TNFRSF14: variants seen among roughly 807,000 people sequenced by gnomAD.
TNFRSF14 encodes the protein TNF receptor superfamily member 14.
A neutral mutation model predicts 34.1 loss-of-function variants in TNFRSF14; 18 were observed. The observed-to-expected ratio is 0.53, with a 90% confidence interval of 0.36 to 0.78. The LOEUF (loss-of-function observed/expected upper bound fraction) is 0.78. Ranked by LOEUF, TNFRSF14 falls within the 30% of genes least tolerant of loss-of-function variation. The pLI, the probability that TNFRSF14 is intolerant of heterozygous loss-of-function variation, is 0.00. For missense variants in TNFRSF14, 352 were observed against 379.5 expected, an observed-to-expected ratio of 0.93 and a Z score of 0.60; for synonymous variants, 157 against 153.2, an observed-to-expected ratio of 1.02 and a Z score of -0.18.
At position 2,558,445 on chromosome 1, in the gene TNFRSF14, T is replaced by G; in HGVS notation, c.281T>G (p.Leu94Arg). 1 of 1,613,224 alleles carries G rather than the reference T, an allele frequency of 6.2e-7. No homozygotes were observed. Among genetic ancestry groups the G allele is most frequent in the Admixed American group, 1.7e-5 (1 of 59,910 alleles). Residue 94 changes from leucine to arginine, a missense_variant, in exon 3 of 8, where the codon CTG (leucine) becomes CGG (arginine). Leu to Arg is a moderately radical substitution (Grantham distance 102, BLOSUM62 -2). Coordinates refer to ENST00000355716, the MANE Select transcript of TNFRSF14 (RefSeq NM_003820.4). ...IAHLNGLSKC[L>R]QCQMCDPAMG... The stretch of plus-strand genomic sequence containing the variant: ...CACCTCAATGGCCTAAGCAAGTGTC[T>G]GCAGTGCCAAATGTGTGACCCAGGT...
At chr1:2,556,302 A>G (rs572456595), upstream of TNFRSF14, 67 of 575,490 alleles carry the variant, frequency 1.2e-4, no homozygotes, top group African/African-American at 9.6e-4. Context: ...TCCCCCTTCT[A>G]CAGGAAACCC....
Position 2,556,496 on chromosome 1 carries a change from C to T in TNFRSF14, c.-169C>T. ...CTCTGCTGCCAGACACCCCCTGCTG[C>T]CCACTCTCCTGCTGCTCGGGTTCTG... On this transcript the variant is annotated 5_prime_UTR_variant, in exon 1 of 8. Transcript: ENST00000355716. The T allele has an allele frequency of 1.3e-6, 1 of 744,222 alleles. No individual in the cohort carries two copies. Among genetic ancestry groups the T allele is most frequent in the Non-Finnish European group, 2.4e-6 (1 of 421,208 alleles). 46.1% of individuals were successfully genotyped at this position (744,222 alleles called of 1,614,324 possible). A position where few individuals can be genotyped will look rare whatever the true frequency, so the allele number is the denominator to read the frequency against.
chr1:2,562,257 G>A (rs1644320863), intron 6 of TNFRSF14: 1 of 225,190 alleles, frequency 4.4e-6, no homozygotes. Context: ...CTGGGCACCT[G>A]TGCTGTGCCT....
At position 2,563,298 on chromosome 1, in the gene TNFRSF14, CAG is replaced by C; in HGVS notation, c.*29_*30del. 1.2e-6 allele frequency: 2 copies of C among 1,610,608 alleles called. No homozygotes were observed. Among genetic ancestry groups the C allele is most frequent in the Non-Finnish European group, 1.7e-6 (2 of 1,177,792 alleles). ...ACCCACAGACTCTGCACCCCGACGCCAGAGATACCTGGAGCGACGGCTGCTGA... is the reference window on the plus strand; with the variant it reads ...ACCCACAGACTCTGCACCCCGACGCCAGATACCTGGAGCGACGGCTGCTGA... On this transcript the variant is annotated 3_prime_UTR_variant, in exon 8 of 8. Transcript: ENST00000355716.
Position 2,557,746 on chromosome 1 carries a change from G to A in TNFRSF14, c.90G>A (p.Leu30=), listed in dbSNP as rs1644239617. The A allele has an allele frequency of 6.2e-7, 1 of 1,609,562 alleles. No homozygotes were observed. The highest frequency in any genetic ancestry group is 1.7e-5 in the Admixed American group (1 of 59,498). Residue 30 remains leucine, a synonymous_variant, in exon 2 of 8, where the codon CTG becomes CTA. Coordinates refer to ENST00000355716, the MANE Select transcript of TNFRSF14 (RefSeq NM_003820.4). ...VLRLVLYLTF[L]GAPCYAPALP... The stretch of plus-strand genomic sequence containing the variant: ...CTTAGGTGCTGTATCTCACCTTCCT[G>A]GGAGCCCCCTGCTACGCCCCAGCTC...
At chr1:2,558,554 G>A in intron 3 of TNFRSF14, 86 bp downstream of exon 3, 1 of 1,581,602 alleles carries the variant, frequency 6.3e-7, no homozygotes, top group Non-Finnish European at 8.5e-7. Context: ...TGGCCACAGT[G>A]CCCCAGGAAG....
intron 3 of TNFRSF14, 77 bp from the exon 4 acceptor site, chr1:2,559,746 C>G: frequency 6.5e-7 from 1 of 1,543,530 alleles, no homozygotes; most frequent in Non-Finnish European, 8.7e-7. Context: ...AGTCCTTGGC[C>G]TGTGGATGCT....
In TNFRSF14 at chr1:2,561,526, G is replaced by A; in HGVS notation, c.552-147G>A. On this transcript the variant is annotated intron_variant, in intron 5 of 7. Coordinates refer to ENST00000355716, the MANE Select transcript of TNFRSF14 (RefSeq NM_003820.4). This position sits in a 1 kb window ranked among gnomAD's most constrained non-coding sequence, Gnocchi z 6.0. ...TGGAAAAGTCAGACAGACCTCTGAG[G>A]TCTCATCCTGGAGCTGCCACCAGCC... 1.3e-6 allele frequency: 2 copies of A among 1,554,782 alleles called. No homozygotes were observed. The highest frequency in any genetic ancestry group is 1.7e-6 in the Non-Finnish European group (2 of 1,148,712).
At chr1:2,556,206 A>G (rs1028442201), upstream of TNFRSF14, 39 of 432,286 alleles carry the variant, frequency 9.0e-5, no homozygotes, top group East Asian at 1.6e-3. Flanking sequence ...TTATTCGGCA[A>G]AAATGTCAGT....
Position 2,559,340 on chromosome 1 carries a change from G to A in TNFRSF14, c.305-483G>A. 2.2e-6 allele frequency: 3 copies of A among 1,374,202 alleles called. No individual in the cohort carries two copies. In the South Asian group the frequency reaches 3.7e-5, roughly 17 times the overall value. The allele number at this position is 1,374,202 out of a possible 1,614,324, so 85.1% of individuals were successfully genotyped here. On this transcript the variant is annotated intron_variant, in intron 3 of 7. Transcript: ENST00000355716. ...CAGGTGGCAGGTGAGGCTGCCCTCA[G>A]GAGGGGCCCAGGCCCAGCTTGTACC...
At chr1:2,557,965 G>A in intron 2 of TNFRSF14, 131 bp downstream of exon 2, 1 of 794,216 alleles carries the variant, frequency 1.3e-6, no homozygotes, top group South Asian at 1.9e-5. Flanking sequence ...GGCTAGGTGT[G>A]CAGACAGTGA....
intron 6 of TNFRSF14, 80 bp from the exon 7 acceptor site, chr1:2,562,785 C>T (rs372033210): frequency 1.5e-4 from 230 of 1,573,252 alleles, no homozygotes; most frequent in Middle Eastern, 1.7e-4. Context: ...CCTCCGCCAC[C>T]GCTGTGAGAC....
At chr1:2,559,270 C>A (rs556396704) in intron 3 of TNFRSF14, 4 of 1,367,718 alleles carry the variant, frequency 2.9e-6, no homozygotes, top group Non-Finnish European at 1.9e-6. Flanking sequence ...TGCCCCTCCC[C>A]TCTTGTGAAA....
upstream of TNFRSF14, chr1:2,555,994 G>A (rs1384522107): frequency 4.5e-6 from 1 of 221,560 alleles, no homozygotes; most frequent in East Asian, 1.4e-4. This position sits in a 1 kb window ranked among gnomAD's most constrained non-coding sequence, Gnocchi z 6.3. Context: ...TCTCTGCAGG[G>A]GGAGCAAGAG....
intron 1 of TNFRSF14, among the ~76,000 whole-genome samples, chr1:2,557,193 C>A (rs1644228527): frequency 6.6e-6 from 1 of 152,194 alleles, no homozygotes. Context: ...ATGTGGCACT[C>A]CTGCCTGTCC....
intron 6 of TNFRSF14, chr1:2,562,091 C>G (rs7554260): frequency 0.015 from 7,854 of 513,896 alleles, 515 homozygotes; most frequent in African/African-American, 0.14. Context: ...CTGCCTGCCC[C>G]CTGTGGGATG....
intron 3 of TNFRSF14, chr1:2,559,097 G>A (rs768122093): frequency 6.6e-6 from 9 of 1,367,228 alleles, no homozygotes; most frequent in African/African-American, 4.3e-5. Flanking sequence ...CTGCACCTGC[G>A]GGACAGGGCT....
intron 2 of TNFRSF14, 53 bp downstream of exon 2, chr1:2,557,887 T>C: frequency 7.2e-7 from 1 of 1,384,760 alleles, no homozygotes; most frequent in Non-Finnish European, 9.9e-7. Context: ...CAGACACTCT[T>C]GCCCCCTTCT....
chr1:2,561,737 CTCTCAGGGAG>C lies in TNFRSF14; in HGVS notation c.617_626del (p.Leu206ProfsTer13). The C allele has an allele frequency of 6.2e-7, 1 of 1,613,670 alleles. No homozygotes were observed. Among genetic ancestry groups the C allele is most frequent in the Non-Finnish European group, 8.5e-7 (1 of 1,179,996 alleles). On this transcript the variant is annotated frameshift_variant, in exon 6 of 8. Coordinates refer to ENST00000355716, the MANE Select transcript of TNFRSF14 (RefSeq NM_003820.4). LOFTEE classifies it high-confidence loss of function. This position sits in a 1 kb window ranked among gnomAD's most constrained non-coding sequence, Gnocchi z 6.0. ...CAGCTCCCACTGGGTATGGTGGTTT[CTCTCAGGGAG>C]CCTCGTCATCGTCATTGTTTGCTCC...
Sources: gnomAD v4.1 joint callset for allele counts (sites outside exome capture counted in the v4.1 genomes callset) on GRCh38, gnomAD v4.1.1 for gene constraint, Gnocchi (gnomAD v3.1) non-coding constraint, MANE v1.5 for transcripts, NCBI Gene and HGNC (gene_info 2026-07-23, HGNC 2026-07-21) for gene names.